Variants in SLC44A3 observed in about 807,000 individuals in gnomAD.
SLC44A3 encodes the protein solute carrier family 44 member 3.
In SLC44A3, 74 loss-of-function variants were observed where a neutral mutation model predicts 75.4. The ratio of observed to expected loss-of-function variants is 0.98; its 90% confidence interval spans 0.81 to 1.19. The LOEUF (loss-of-function observed/expected upper bound fraction) is 1.19, where lower values mean the gene tolerates loss of function less well. Among genes scored for constraint, SLC44A3 ranks in the 50% most tolerant of loss-of-function variants. SLC44A3 has a pLI of 0.00. For missense variants in SLC44A3, 700 were observed against 778.6 expected (o/e 0.90, Z 1.20); for synonymous variants, 310 against 296.9 (o/e 1.04, Z -0.45).
At chr1:94,885,465 G>A (rs1669481188) in intron 12 of SLC44A3, among the ~76,000 whole-genome samples, 1 of 152,124 alleles carries the variant, frequency 6.6e-6, no homozygotes, top group South Asian at 2.1e-4. Context: ...AGTCTTTGGA[G>A]GCAACATGAC....
chr1:94,840,286 T>TC (rs1421788466), intron 7 of SLC44A3, among the ~76,000 whole-genome samples: 2 of 133,570 alleles, frequency 1.5e-5, no homozygotes, highest in Non-Finnish European at 3.2e-5. Flanking sequence ...CTTTTTCCTT[T>TC]TTTTTTTTTT....
In SLC44A3 at chr1:94,867,428, A is replaced by G; in HGVS notation, c.1482+11A>G. Reference sequence around the variant, plus strand: ...CTCCATCTCAACCAGGTACGTCTCTACCTCTTGCCTCAGGAACACACAGAA... The same window carrying G: ...CTCCATCTCAACCAGGTACGTCTCTGCCTCTTGCCTCAGGAACACACAGAA... On this transcript the variant is annotated intron_variant, in intron 12 of 14. Transcript: ENST00000271227. 6.3e-7 allele frequency: 1 copy of G among 1,595,732 alleles called. No homozygotes were observed. Among genetic ancestry groups the G allele is most frequent in the African/African-American group, 1.3e-5 (1 of 74,248 alleles).
At chr1:94,845,550 C>G (rs1664299477) in intron 9 of SLC44A3, 86 bp downstream of exon 9, 2 of 1,308,874 alleles carry the variant, frequency 1.5e-6, no homozygotes, top group Non-Finnish European at 2.1e-6. Context: ...TCTGTAGGCA[C>G]CTAACCCCTC....
intron 6 of SLC44A3, among the ~76,000 whole-genome samples, chr1:94,838,154 C>A (rs936194409): frequency 6.6e-6 from 1 of 152,146 alleles, no homozygotes; most frequent in African/African-American, 2.4e-5. Context: ...AGCAGATTGC[C>A]AATTTGTGGA....
At chr1:94,891,506 ACT>A (rs1213393170) in intron 13 of SLC44A3, among the ~76,000 whole-genome samples, 1 of 152,020 alleles carries the variant, frequency 6.6e-6, no homozygotes, top group Admixed American at 6.6e-5. Context: ...TCTTAGTCTT[ACT>A]CTCTTACCTG....
intron 5 of SLC44A3, 112 bp from the exon 6 acceptor site, chr1:94,837,599 C>G (rs1662987939): frequency 9.3e-7 from 1 of 1,075,006 alleles, no homozygotes; most frequent in South Asian, 1.9e-5. Flanking sequence ...CTAGACGCCT[C>G]TCTATTACTG....
At chr1:94,863,498 C>T (rs901089436) in intron 10 of SLC44A3, among the ~76,000 whole-genome samples, 8 of 151,522 alleles carry the variant, frequency 5.3e-5, no homozygotes, top group Non-Finnish European at 1.2e-4. Flanking sequence ...TTCTAAGGCA[C>T]ACAAATCTCC....
intron 5 of SLC44A3, among the ~76,000 whole-genome samples, chr1:94,835,395 T>C (rs757089561): frequency 5.3e-5 from 8 of 152,192 alleles, no homozygotes; most frequent in Non-Finnish European, 1.2e-4. Flanking sequence ...GAAATCCAAA[T>C]AAAGGCTGTA....
chr1:94,845,875 G>A (rs1408580565), intron 9 of SLC44A3, among the ~76,000 whole-genome samples: 2 of 152,184 alleles, frequency 1.3e-5, no homozygotes, highest in Non-Finnish European at 2.9e-5. Context: ...GCAGCCGGGT[G>A]CTATGGCTCA....
At chr1:94,846,571 A>T (rs543007877) in intron 9 of SLC44A3, among the ~76,000 whole-genome samples, 1 of 152,356 alleles carries the variant, frequency 6.6e-6, no homozygotes, top group Admixed American at 6.5e-5. Flanking sequence ...GATGCAGTTG[A>T]TCTACATTCT....
intron 12 of SLC44A3, among the ~76,000 whole-genome samples, chr1:94,873,508 A>T (rs1422149039): frequency 6.6e-6 from 1 of 152,076 alleles, no homozygotes; most frequent in Non-Finnish European, 1.5e-5. Flanking sequence ...CTTACCTCAT[A>T]GTGCCTCTCC....
In SLC44A3 at chr1:94,850,868, C is replaced by CT. The variant is rs556780367; in HGVS notation, c.1072+5412dup. Among the ~76,000 whole-genome samples, 53 of 152,036 alleles carry CT rather than the reference C, an allele frequency of 3.5e-4. No individual in the cohort carries two copies. In the East Asian group the frequency reaches 7.9e-3, roughly 23 times the overall value. On this transcript the variant is annotated intron_variant, in intron 9 of 14. Transcript: ENST00000271227. ...ATAACACAATTTAGAAGAAAATTGT[C>CT]TTTTTTTTAAGTTTTCAGAGATCTA...
chr1:94,863,109 A>G (rs1666770126), intron 10 of SLC44A3, among the ~76,000 whole-genome samples: 1 of 152,038 alleles, frequency 6.6e-6, no homozygotes. Context: ...GAGGGCAGGT[A>G]TTGAGTGACT....
At chr1:94,891,666 T>G (rs890054303) in intron 13 of SLC44A3, among the ~76,000 whole-genome samples, 13 of 152,194 alleles carry the variant, frequency 8.5e-5, no homozygotes, top group African/African-American at 2.7e-4. Flanking sequence ...CTCACATGTG[T>G]AATCCCAGTA....
At chr1:94,825,769 T>A (rs1219404311) in intron 3 of SLC44A3, 3 of 453,980 alleles carry the variant, frequency 6.6e-6, no homozygotes, top group Admixed American at 2.4e-5. Flanking sequence ...GTGTTGCTCC[T>A]AAGGGGGCTC....
chr1:94,870,879 C>T (rs940753245), intron 12 of SLC44A3, among the ~76,000 whole-genome samples: 4 of 152,190 alleles, frequency 2.6e-5, no homozygotes, highest in African/African-American at 9.7e-5. Flanking sequence ...CGGCATTTCA[C>T]CATGTTGGCC....
intron 12 of SLC44A3, among the ~76,000 whole-genome samples, chr1:94,879,211 CT>C (rs1429181595): frequency 1.1e-4 from 6 of 53,240 alleles, no homozygotes; most frequent in East Asian, 3.4e-3. Flanking sequence ...TTAACAACAA[CT>C]ACAAAAAAAA....
intron 7 of SLC44A3, among the ~76,000 whole-genome samples, chr1:94,841,158 C>T (rs1031799751): frequency 3.9e-5 from 6 of 152,154 alleles, no homozygotes; most frequent in Admixed American, 1.3e-4. Flanking sequence ...ATACGGTTGG[C>T]AGCTGTAACA....
chr1:94,826,620 A>C, intron 3 of SLC44A3, among the ~76,000 whole-genome samples: 1 of 143,510 alleles, frequency 7.0e-6, no homozygotes, highest in African/African-American at 2.6e-5. Context: ...CCTGGGTGAC[A>C]GAGCGAGACT....
Sources: gnomAD v4.1 joint callset for allele counts (sites outside exome capture counted in the v4.1 genomes callset) on GRCh38, gnomAD v4.1.1 for gene constraint, MANE v1.5 for transcripts, NCBI Gene and HGNC (gene_info 2026-07-23, HGNC 2026-07-21) for gene names.